SPON1: variants seen among roughly 807,000 people sequenced by gnomAD.
SPON1 encodes spondin 1.
SPON1 carries 52 observed loss-of-function variants against 111.7 expected under a neutral mutation model. The ratio of observed to expected loss-of-function variants is 0.47; its 90% confidence interval spans 0.37 to 0.59. SPON1 has a LOEUF of 0.59. Ranked by LOEUF, SPON1 falls within the 20% of genes least tolerant of loss-of-function variation. SPON1 has a pLI of 0.00. For missense variants in SPON1, 957 were observed against 1,068.5 expected (o/e 0.90, Z 1.46); for synonymous variants, 410 against 395.8 (o/e 1.04, Z -0.43).
At chr11:14,229,591 G>A (rs1022568022) in intron 6 of SPON1, among the ~76,000 whole-genome samples, 6 of 152,156 alleles carry the variant, frequency 3.9e-5, no homozygotes, top group African/African-American at 1.4e-4. Context: ...TCCATGCACT[G>A]TGATTAACCC....
chr11:14,238,645 C>T (rs2133916209), intron 6 of SPON1, among the ~76,000 whole-genome samples: 1 of 152,286 alleles, frequency 6.6e-6, no homozygotes, highest in South Asian at 2.1e-4. Context: ...GATCTGTTTT[C>T]ATTCCACATG....
At chr11:14,197,310 C>G (rs999128213) in intron 6 of SPON1, among the ~76,000 whole-genome samples, 34 of 152,190 alleles carry the variant, frequency 2.2e-4, no homozygotes, top group Admixed American at 1.9e-3. Flanking sequence ...TTCTGATCTC[C>G]CCCCTTACAT....
At chr11:14,172,538 A>G (rs1848118092) in intron 6 of SPON1, among the ~76,000 whole-genome samples, 1 of 151,960 alleles carries the variant, frequency 6.6e-6, no homozygotes, top group South Asian at 2.1e-4. Flanking sequence ...TGTCATTATG[A>G]TGTTAGCTGG....
At chr11:14,235,728 A>G (rs1249018663) in intron 6 of SPON1, among the ~76,000 whole-genome samples, 1 of 151,530 alleles carries the variant, frequency 6.6e-6, no homozygotes, top group Non-Finnish European at 1.5e-5. Context: ...TGCACAGTCA[A>G]CTGGACAATG....
At chr11:14,151,247 A>T (rs1322219619) in intron 6 of SPON1, among the ~76,000 whole-genome samples, 1 of 152,206 alleles carries the variant, frequency 6.6e-6, no homozygotes, top group Non-Finnish European at 1.5e-5. Context: ...CAAGCAAACA[A>T]GTTCTTGTAG....
chr11:14,186,379 G>A (rs191592602), intron 6 of SPON1, among the ~76,000 whole-genome samples: 1 of 152,334 alleles, frequency 6.6e-6, no homozygotes, highest in East Asian at 1.9e-4. Context: ...TTTTGGTCTT[G>A]TGGGCCAGAT....
At chr11:14,200,942 C>T (rs1848455680) in intron 6 of SPON1, among the ~76,000 whole-genome samples, 1 of 151,392 alleles carries the variant, frequency 6.6e-6, no homozygotes, top group Non-Finnish European at 1.5e-5. Context: ...GTGAAACAGA[C>T]CTGTGTTTGA....
chr11:14,258,453 C>T (rs1463358870), intron 11 of SPON1, among the ~76,000 whole-genome samples: 1 of 152,228 alleles, frequency 6.6e-6, no homozygotes, highest in Non-Finnish European at 1.5e-5. Context: ...CAAGATTGCA[C>T]TAAGCTGATT....
Position 14,121,336 on chromosome 11 carries a change from A to G in SPON1, c.677-14084A>G, listed in dbSNP as rs74604533. Reference sequence around the variant, plus strand: ...TACTTTTATTTTTAAATGGAAAATAAAGAAGATAGAGAGTAATTTTCCTCT... The same window carrying G: ...TACTTTTATTTTTAAATGGAAAATAGAGAAGATAGAGAGTAATTTTCCTCT... On this transcript the variant is annotated intron_variant, in intron 5 of 15. Coordinates refer to ENST00000576479, the MANE Select transcript of SPON1 (RefSeq NM_006108.4). Among the ~76,000 whole-genome samples, 1,201 of 152,330 alleles carry G rather than the reference A, an allele frequency of 7.9e-3. 26 individuals are homozygous for G. Among genetic ancestry groups the G allele is most frequent in the African/African-American group, 0.028 (1,152 of 41,580 alleles).
intron 6 of SPON1, among the ~76,000 whole-genome samples, chr11:14,140,590 T>G (rs1554928667): frequency 6.6e-6 from 1 of 152,222 alleles, no homozygotes; most frequent in Non-Finnish European, 1.5e-5. Context: ...AGACGGGGTT[T>G]TACCATGCTG....
At chr11:14,221,594 T>A (rs1485103991) in intron 6 of SPON1, among the ~76,000 whole-genome samples, 4 of 151,764 alleles carry the variant, frequency 2.6e-5, no homozygotes, top group African/African-American at 7.3e-5. Context: ...TCTAAGTGAC[T>A]CATCCGACGT....
chr11:14,030,291 T>G (rs186765702), intron 2 of SPON1, among the ~76,000 whole-genome samples: 1 of 152,346 alleles, frequency 6.6e-6, no homozygotes, highest in Admixed American at 6.5e-5. Flanking sequence ...GGCCCAGCCT[T>G]GCTCCCAAGC....
chr11:13,995,152 C>A (rs1254324976), intron 2 of SPON1, among the ~76,000 whole-genome samples: 2 of 152,122 alleles, frequency 1.3e-5, no homozygotes, highest in Non-Finnish European at 2.9e-5. Context: ...GTATTTCTAA[C>A]CACTAGCACT....
At position 14,135,122 on chromosome 11, in the gene SPON1, C is replaced by G; in HGVS notation, c.677-298C>G. 4.2e-6 allele frequency: 1 copy of G among 239,168 alleles called. No individual in the cohort carries two copies. The highest frequency in any genetic ancestry group is 8.1e-6 in the Non-Finnish European group (1 of 123,124). The allele number at this position is 239,168 out of a possible 1,614,324, so 14.8% of individuals were successfully genotyped here. On this transcript the variant is annotated intron_variant, in intron 5 of 15. Transcript: ENST00000576479. This position sits in a 1 kb window ranked among gnomAD's most constrained non-coding sequence, Gnocchi z 4.4. ...CTCTATTTTGCCTTACAAATATGAT[C>G]AGCCTTTAACGTTCTCTCAACTATC... is the stretch of plus-strand genomic sequence containing the variant.
At position 14,119,874 on chromosome 11, in the gene SPON1, A is replaced by C. The variant is rs187796529; in HGVS notation, c.677-15546A>C. ...AGCTGTACTGTCCAGTACAGTAGCC[A>C]CTCGATACACTTAAATTGATTAGTT... On this transcript the variant is annotated intron_variant, in intron 5 of 15. Coordinates refer to ENST00000576479, the MANE Select transcript of SPON1 (RefSeq NM_006108.4). 2.3e-3 allele frequency among the ~76,000 whole-genome samples: 348 copies of C among 152,280 alleles called. 1 individual carries two copies. The highest frequency in any genetic ancestry group is 7.5e-3 in the African/African-American group (312 of 41,554).
At chr11:14,045,906 T>C (rs1264651691) in intron 3 of SPON1, among the ~76,000 whole-genome samples, 1 of 152,144 alleles carries the variant, frequency 6.6e-6, no homozygotes, top group African/African-American at 2.4e-5. Flanking sequence ...TTTGATTTTA[T>C]GTCTTGTTCA....
At chr11:14,244,067 T>C (rs7102710) in intron 7 of SPON1, among the ~76,000 whole-genome samples, 14,613 of 152,202 alleles carry the variant, frequency 0.096, 1,038 homozygotes, top group African/African-American at 0.19. Context: ...ACCCTGTGGA[T>C]TCTGCCTTCT....
intron 5 of SPON1, among the ~76,000 whole-genome samples, chr11:14,107,268 C>A (rs1325580606): frequency 6.6e-6 from 1 of 152,062 alleles, no homozygotes; most frequent in Non-Finnish European, 1.5e-5. Context: ...GTTGCACACA[C>A]CCTGGGAAAA....
At chr11:14,084,219 T>C (rs1432778730) in intron 5 of SPON1, among the ~76,000 whole-genome samples, 1 of 152,112 alleles carries the variant, frequency 6.6e-6, no homozygotes, top group Admixed American at 6.6e-5. Context: ...ATGGTGGTTT[T>C]GCCGCACCTA....
Sources: gnomAD v4.1 joint callset for allele counts (sites outside exome capture counted in the v4.1 genomes callset) on GRCh38, gnomAD v4.1.1 for gene constraint, Gnocchi (gnomAD v3.1) non-coding constraint, MANE v1.5 for transcripts, NCBI Gene and HGNC (gene_info 2026-07-23, HGNC 2026-07-21) for gene names.